Variants in CD226 observed in about 807,000 individuals in gnomAD.
The protein encoded by CD226 is CD226 molecule.
CD226 carries 24 observed loss-of-function variants against 34.9 expected under a neutral mutation model. That is an observed-to-expected ratio of 0.69 (90% confidence interval 0.50 to 0.97). The LOEUF (loss-of-function observed/expected upper bound fraction) is 0.97, where lower values mean the gene tolerates loss of function less well. Ranked by LOEUF, CD226 falls within the 50% of genes least tolerant of loss-of-function variation. CD226 has a pLI of 0.00. For synonymous variants in CD226, 148 were observed against 147.4 expected, an observed-to-expected ratio of 1.00 and a Z score of -0.03; for missense variants, 397 against 412.7, an observed-to-expected ratio of 0.96 and a Z score of 0.33.
chr18:69,957,608 G>C (rs574702925), upstream of CD226, among the ~76,000 whole-genome samples: 208 of 152,304 alleles, frequency 1.4e-3, no homozygotes, highest in African/African-American at 4.8e-3. Flanking sequence ...AGGAAGGAAG[G>C]ACGTTTGACA....
intron 2 of CD226, among the ~76,000 whole-genome samples, chr18:69,911,116 T>G (rs1201329904): frequency 6.6e-6 from 1 of 152,244 alleles, no homozygotes; most frequent in Non-Finnish European, 1.5e-5. Context: ...TCCAACATTT[T>G]GCTAGCTAAA....
At chr18:69,960,516 C>T (rs2055925081), upstream of CD226, among the ~76,000 whole-genome samples, 1 of 152,214 alleles carries the variant, frequency 6.6e-6, no homozygotes. Flanking sequence ...GTGACACGAT[C>T]TTGGCTCACT....
intron 2 of CD226, among the ~76,000 whole-genome samples, chr18:69,898,662 T>C (rs1788112): frequency 0.8 from 121,826 of 152,096 alleles, 50,563 homozygotes; most frequent in Non-Finnish European, 0.91. Context: ...GAGTAGCCCC[T>C]GATTAACCTT....
chr18:69,878,206 T>A (rs1203384903), intron 3 of CD226, among the ~76,000 whole-genome samples: 1 of 152,152 alleles, frequency 6.6e-6, no homozygotes, highest in Non-Finnish European at 1.5e-5. Flanking sequence ...CCAGAAGCCA[T>A]TTTTTTGCTA....
At chr18:69,894,384 AAGG>A in intron 3 of CD226, among the ~76,000 whole-genome samples, 1 of 46 alleles carries the variant, frequency 0.022, no homozygotes, top group Non-Finnish European at 0.036. Context: ...GGGAGGAAGG[AAGG>A]AAGGAAGGAA....
chr18:69,885,363 G>A (rs1400765888), intron 3 of CD226, among the ~76,000 whole-genome samples: 1 of 152,140 alleles, frequency 6.6e-6, no homozygotes, highest in Admixed American at 6.5e-5. Context: ...AAGGAAGGAG[G>A]GACTAGTATT....
At chr18:69,879,760 G>T (rs1323523258) in intron 3 of CD226, among the ~76,000 whole-genome samples, 2 of 152,198 alleles carry the variant, frequency 1.3e-5, no homozygotes, top group East Asian at 3.8e-4. Flanking sequence ...AGTGATAAAT[G>T]TCCATGAAAT....
intron 2 of CD226, among the ~76,000 whole-genome samples, chr18:69,930,517 G>A (rs1217582192): frequency 4.0e-5 from 1 of 24,902 alleles, no homozygotes; most frequent in Non-Finnish European, 5.3e-4. Flanking sequence ...GAGCACACCT[G>A]CCAGTCTAAG....
At chr18:69,947,318 C>G in intron 1 of CD226, 43 bp downstream of exon 1, 1 of 1,339,004 alleles carries the variant, frequency 7.5e-7, no homozygotes. Context: ...CAAACAAAAA[C>G]AGGAGCAAAA....
chr18:69,873,224 G>C lies in CD226; in HGVS notation c.750C>G (p.Thr250=), dbSNP rs1321056474. ...VAEGKTDNQY[T]LFVAGGTVLL... ...AAACTGTCCCTCCAGCCACAAAGAG[G>C]GTATATTGGTTATCGGTTTTACCTA... is the stretch of plus-strand genomic sequence containing the variant. Residue 250 remains threonine (T), a synonymous_variant, in exon 4 of 6, where the codon ACC becomes ACG. Coordinates refer to ENST00000582621, the MANE Select transcript of CD226 (RefSeq NM_001303618.2). The C allele has an allele frequency of 1.3e-5, 21 of 1,603,202 alleles. No homozygotes were observed. The highest frequency in any genetic ancestry group is 1.7e-5 in the Non-Finnish European group (20 of 1,170,690).
At chr18:69,917,133 A>G (rs560841251) in intron 2 of CD226, among the ~76,000 whole-genome samples, 1 of 152,248 alleles carries the variant, frequency 6.6e-6, no homozygotes, top group Non-Finnish European at 1.5e-5. Flanking sequence ...TACATAGTAC[A>G]GCCAGAGTAA....
In CD226 at chr18:69,953,906, A is replaced by T. The variant is rs141956723; in HGVS notation, c.-28+2849T>A. Among the ~76,000 whole-genome samples, 473 of 151,980 alleles carry T rather than the reference A, an allele frequency of 3.1e-3. 4 individuals carry two copies. Among genetic ancestry groups the T allele is most frequent in the African/African-American group, 0.011 (454 of 41,442 alleles). On this transcript the variant is annotated intron_variant, in intron 1 of 6. Coordinates refer to the CD226 transcript ENST00000280200. The stretch of plus-strand genomic sequence containing the variant: ...TCCCAGCTACTTGGGAGGCTGAGAC[A>T]GGAGAATCGCTTGAACCCAGGAGGT...
chr18:69,960,754 A>G (rs999086215), upstream of CD226, among the ~76,000 whole-genome samples: 8 of 152,218 alleles, frequency 5.3e-5, no homozygotes, highest in Non-Finnish European at 8.8e-5. Context: ...CTGGCCAGAT[A>G]CTTGATAATT....
At chr18:69,923,195 G>A (rs2055474736) in intron 2 of CD226, among the ~76,000 whole-genome samples, 1 of 150,424 alleles carries the variant, frequency 6.6e-6, no homozygotes, top group Non-Finnish European at 1.5e-5. Context: ...AGAAAGGAAG[G>A]AAGGAAGGAA....
intron 4 of CD226, among the ~76,000 whole-genome samples, chr18:69,868,265 G>T (rs1026745308): frequency 5.3e-5 from 8 of 152,168 alleles, no homozygotes; most frequent in Admixed American, 2.6e-4. Context: ...CTAAGGAAAA[G>T]ATTCTTATTG....
At chr18:69,951,624 T>G (rs1025804992), upstream of CD226, among the ~76,000 whole-genome samples, 1 of 152,088 alleles carries the variant, frequency 6.6e-6, no homozygotes, top group South Asian at 2.1e-4. Flanking sequence ...GGGTCCTGAA[T>G]AGCCAAAATG....
In CD226 at chr18:69,942,882, C is replaced by T. The variant is rs548648982; in HGVS notation, c.382+3852G>A. On this transcript the variant is annotated intron_variant, in intron 2 of 5. Transcript: ENST00000582621. ...CATCAGTACCCCCAGGACACCCTTC[C>T]CTCTCTGTCTTCTCTCTTCCCCAGA... 2.6e-5 allele frequency among the ~76,000 whole-genome samples: 4 copies of T among 152,322 alleles called. No homozygotes were observed. The South Asian group carries it at 8.3e-4, about 32-fold the overall frequency.
rs71178826 is a variant in CD226 at position 69,858,718 on chromosome 18, C to CTTTTTTTTTTTTTT, written c.*5582_*5595dup. On this transcript the variant is annotated 3_prime_UTR_variant, in exon 6 of 6. Transcript: ENST00000582621. The stretch of plus-strand genomic sequence containing the variant: ...GCCACCCCTATGTTCAAATACTTAA[C>CTTTTTTTTTTTTTT]TTTTTTTTTTTTTTTTTTTTTTTTT... 36 of 44,974 alleles carry CTTTTTTTTTTTTTT rather than the reference C, an allele frequency of 8.0e-4. 13 individuals carry two copies. Among genetic ancestry groups the CTTTTTTTTTTTTTT allele is most frequent in the East Asian group, 3.7e-3 (6 of 1,638 alleles). 2.8% of individuals were successfully genotyped at this position (44,974 alleles called of 1,614,324 possible). A position where few individuals can be genotyped will look rare whatever the true frequency, so the allele number is the denominator to read the frequency against.
At chr18:69,946,270 A>G (rs1363022114) in intron 2 of CD226, among the ~76,000 whole-genome samples, 1 of 149,204 alleles carries the variant, frequency 6.7e-6, no homozygotes, top group South Asian at 2.2e-4. Flanking sequence ...GAGAGAGAGA[A>G]AGAAAGAAAG....
Sources: gnomAD v4.1 joint callset for allele counts (sites outside exome capture counted in the v4.1 genomes callset) on GRCh38, gnomAD v4.1.1 for gene constraint, MANE v1.5 for transcripts, NCBI Gene and HGNC (gene_info 2026-07-23, HGNC 2026-07-21) for gene names.